The following DLG5 variants were observed in gnomAD, a reference collection of about 807,000 sequenced individuals.
DLG5 encodes the protein disks large homolog 5.
Under a neutral mutation model 189.8 loss-of-function variants are expected in DLG5, and 48 were observed. The ratio of observed to expected loss-of-function variants is 0.25; its 90% confidence interval spans 0.20 to 0.32. The LOEUF (loss-of-function observed/expected upper bound fraction) is 0.32. Ranked by LOEUF, DLG5 falls within the 10% of genes least tolerant of loss-of-function variation. DLG5 has a pLI of 1.00. For synonymous variants in DLG5, 1,016 were observed against 1,054.1 expected (o/e 0.96, Z 0.70); for missense variants, 2,160 against 2,544.7 (o/e 0.85, Z 3.25).
At chr10:77,799,118 G>A (rs376756991) in intron 27 of DLG5, among the ~76,000 whole-genome samples, 4 of 152,246 alleles carry the variant, frequency 2.6e-5, no homozygotes, top group South Asian at 4.1e-4. Flanking sequence ...TTACAGAATT[G>A]TAAGACTAGA....
At chr10:77,922,749 A>T (rs1846573101) in intron 1 of DLG5, among the ~76,000 whole-genome samples, 2 of 152,334 alleles carry the variant, frequency 1.3e-5, no homozygotes, top group South Asian at 4.1e-4. Context: ...ATATGAAGAT[A>T]GGACACAAAA....
intron 15 of DLG5, 181 bp downstream of exon 15, chr10:77,820,901 C>A (rs1442018609): frequency 2.8e-6 from 2 of 708,522 alleles, no homozygotes; most frequent in African/African-American, 1.8e-5. Flanking sequence ...CTACCATGCA[C>A]TTCCACGCCA....
rs1171830825 is a variant in DLG5 at position 77,822,068 on chromosome 10, T to G, written c.2416A>C (p.Asn806His). Reference sequence around the variant, plus strand: ...GAGTCTTTGATATTTTCAAAAATGTTCTGGCCACTCCACGAGGAGCTCTGA... The same window carrying G: ...GAGTCTTTGATATTTTCAAAAATGTGCTGGCCACTCCACGAGGAGCTCTGA... ...FPQSSSWSGQ[N>H]IFENIKDSDK... Residue 806 changes from asparagine to histidine, a missense_variant, in exon 15 of 32, where the codon AAC becomes CAC. This residue lies in a region of DLG5 where 754 missense variants were observed against 746.5 expected (regional missense o/e 1.01). Transcript: ENST00000372391. 1 of 1,614,038 alleles carries G rather than the reference T, an allele frequency of 6.2e-7. No individual in the cohort carries two copies. The highest frequency in any genetic ancestry group is 8.5e-7 in the Non-Finnish European group (1 of 1,179,976).
chr10:77,834,105 G>A (rs1589181264), intron 8 of DLG5, 66 bp from the exon 9 acceptor site: 1 of 1,561,688 alleles, frequency 6.4e-7, no homozygotes, highest in East Asian at 2.3e-5. Context: ...CTGGTCTGCA[G>A]CGGATGGTCT....
chr10:77,798,978 C>T (rs1193188662), intron 27 of DLG5, among the ~76,000 whole-genome samples: 1 of 152,146 alleles, frequency 6.6e-6, no homozygotes, highest in African/African-American at 2.4e-5. Flanking sequence ...GTAAGAAATA[C>T]ATTAAAATGT....
chr10:77,874,083 A>G (rs1845008799), intron 1 of DLG5, among the ~76,000 whole-genome samples: 1 of 152,238 alleles, frequency 6.6e-6, no homozygotes, highest in Admixed American at 6.5e-5. Context: ...CAGGTTTCCA[A>G]CACGTGCCCC....
chr10:77,841,493 G>GC (rs1412576292), intron 7 of DLG5, among the ~76,000 whole-genome samples: 2 of 152,202 alleles, frequency 1.3e-5, no homozygotes, highest in African/African-American at 4.8e-5. Context: ...GACACAAGAG[G>GC]CCTAACGTAT....
intron 26 of DLG5, 40 bp downstream of exon 26, chr10:77,806,718 A>ACCGCCCC: frequency 1.5e-6 from 2 of 1,333,654 alleles, no homozygotes; most frequent in Non-Finnish European, 2.1e-6. Flanking sequence ...GCCCTCGGCG[A>ACCGCCCC]CCCCTGCCCC....
At chr10:77,931,708 CT>C (rs949044478), upstream of DLG5, among the ~76,000 whole-genome samples, 7 of 152,278 alleles carry the variant, frequency 4.6e-5, no homozygotes, top group African/African-American at 1.2e-4. Flanking sequence ...TCCCTCCCCC[CT>C]GGCTCCTTTC....
intron 1 of DLG5, among the ~76,000 whole-genome samples, chr10:77,877,129 C>T (rs948843275): frequency 6.6e-6 from 1 of 152,080 alleles, no homozygotes; most frequent in Non-Finnish European, 1.5e-5. Flanking sequence ...AGAAAACTCT[C>T]GTATCAATTT....
At chr10:77,897,507 A>G (rs770166798) in intron 1 of DLG5, among the ~76,000 whole-genome samples, 43 of 152,134 alleles carry the variant, frequency 2.8e-4, no homozygotes, top group Non-Finnish European at 5.0e-4. Flanking sequence ...TAATAAACTA[A>G]TGTTTAGGCA....
chr10:77,930,253 G>A (rs1429434362), upstream of DLG5, among the ~76,000 whole-genome samples: 2 of 151,362 alleles, frequency 1.3e-5, no homozygotes, highest in Non-Finnish European at 2.9e-5. Flanking sequence ...CTTGACATTG[G>A]GACCTCCACA....
chr10:77,891,100 T>C (rs190279988), intron 1 of DLG5, among the ~76,000 whole-genome samples: 1 of 152,082 alleles, frequency 6.6e-6, no homozygotes, highest in African/African-American at 2.4e-5. Flanking sequence ...CTCCGAGGAG[T>C]TTCCCAGATC....
intron 1 of DLG5, among the ~76,000 whole-genome samples, chr10:77,916,511 C>A (rs979055371): frequency 6.6e-6 from 1 of 151,648 alleles, no homozygotes; most frequent in Non-Finnish European, 1.5e-5. Flanking sequence ...CAGCTAGTCT[C>A]GAACTCCTAG....
chr10:77,897,713 G>A (rs928722325), intron 1 of DLG5, among the ~76,000 whole-genome samples: 2 of 150,272 alleles, frequency 1.3e-5, no homozygotes, highest in South Asian at 2.1e-4. Context: ...GGGAGAGAAG[G>A]GGAAAGGGGG....
chr10:77,867,330 G>C (rs981245758), intron 2 of DLG5, among the ~76,000 whole-genome samples: 3 of 152,212 alleles, frequency 2.0e-5, no homozygotes, highest in Admixed American at 6.5e-5. Flanking sequence ...ATGGGAATGA[G>C]TTTACTGATT....
At position 77,870,461 on chromosome 10, in the gene DLG5, T is replaced by C. The variant is rs142672717; in HGVS notation, c.305-1264A>G. Among the ~76,000 whole-genome samples, 194 of 152,252 alleles carry C rather than the reference T, an allele frequency of 1.3e-3. 2 individuals are homozygous for C. Among genetic ancestry groups the C allele is most frequent in the East Asian group, 7.7e-3 (40 of 5,182 alleles). ...GCTTTGGGAGGCCAAGGTGGGCAGA[T>C]TGCTTCAGCTCAGGAGTTTGAGACC... On this transcript the variant is annotated intron_variant, in intron 1 of 31. Coordinates refer to ENST00000372391, the MANE Select transcript of DLG5 (RefSeq NM_004747.4).
chr10:77,827,234 T>C (rs1842681546), intron 13 of DLG5, among the ~76,000 whole-genome samples: 1 of 152,166 alleles, frequency 6.6e-6, no homozygotes, highest in South Asian at 2.1e-4. Flanking sequence ...TTTTGTTTTT[T>C]ATTTATTAGA....
intron 1 of DLG5, among the ~76,000 whole-genome samples, chr10:77,889,692 G>C (rs1037324125): frequency 1.3e-5 from 2 of 152,174 alleles, no homozygotes; most frequent in South Asian, 4.1e-4. Flanking sequence ...AGGGTCACAG[G>C]CTACTTCATC....
Sources: gnomAD v4.1 joint callset for allele counts (sites outside exome capture counted in the v4.1 genomes callset) on GRCh38, gnomAD v4.1.1 for gene constraint, gnomAD v4.1.1 regional missense constraint, MANE v1.5 for transcripts, NCBI Gene and HGNC (gene_info 2026-07-23, HGNC 2026-07-21) for gene names.